The following RASA3 variants were observed in gnomAD, a reference collection of about 807,000 sequenced individuals.
The protein encoded by RASA3 is ras GTPase-activating protein 3.
A neutral mutation model predicts 110.0 loss-of-function variants in RASA3; 73 were observed. That is an observed-to-expected ratio of 0.66 (90% CI 0.55 to 0.81). The LOEUF (loss-of-function observed/expected upper bound fraction) is 0.81. RASA3 is among the 30% of genes least tolerant of loss of function. The probability of loss-of-function intolerance (pLI) is 0.00; values close to 1 mark genes in which losing one functional copy is unlikely to be tolerated. For missense variants in RASA3, 976 were observed against 1,113.2 expected (o/e 0.88, Z 1.75); for synonymous variants, 500 against 451.4 (o/e 1.11, Z -1.37).
Position 114,041,139 on chromosome 13 carries a change from G to C in RASA3, c.278-45C>G, listed in dbSNP as rs899939226. ...GACTTCACCACGGGCACAGGCCCCA[G>C]AGCCAGGACGCCTGTGAGCAGAAGC... On this transcript the variant is annotated intron_variant, in intron 3 of 23. Coordinates refer to ENST00000334062, the MANE Select transcript of RASA3 (RefSeq NM_007368.4). 6.5e-6 allele frequency: 10 copies of C among 1,535,822 alleles called. No individual in the cohort carries two copies. The Admixed American group carries it at 1.2e-4, about 18-fold the overall frequency.
At chr13:114,050,341 G>A (rs1566528149) in intron 3 of RASA3, among the ~76,000 whole-genome samples, 2 of 152,348 alleles carry the variant, frequency 1.3e-5, no homozygotes, top group East Asian at 1.9e-4. Context: ...CAGGGTGTCC[G>A]CTGCGGAAGC....
At chr13:114,079,047 CGCTCAGCAGCTCA>C (rs1319000960) in intron 1 of RASA3, among the ~76,000 whole-genome samples, 2 of 152,228 alleles carry the variant, frequency 1.3e-5, no homozygotes, top group Non-Finnish European at 2.9e-5. Flanking sequence ...GTCTCCCAGG[CGCTCAGCAGCTCA>C]GCTCAGCGCC....
chr13:114,060,156 G>C (rs1364512887), intron 2 of RASA3, among the ~76,000 whole-genome samples: 1 of 152,246 alleles, frequency 6.6e-6, no homozygotes, highest in African/African-American at 2.4e-5. Context: ...CTTGTGTGTG[G>C]TAAAGACGTA....
intron 2 of RASA3, among the ~76,000 whole-genome samples, chr13:114,058,906 C>T (rs1183835883): frequency 6.6e-6 from 1 of 152,224 alleles, no homozygotes; most frequent in Non-Finnish European, 1.5e-5. Flanking sequence ...CTTTTAAATA[C>T]CTGCATCCAG....
intron 1 of RASA3, among the ~76,000 whole-genome samples, chr13:114,109,126 G>C (rs2080181030): frequency 6.6e-6 from 1 of 152,216 alleles, no homozygotes; most frequent in Non-Finnish European, 1.5e-5. Flanking sequence ...GCAGGCGGCA[G>C]GGTCCTGGCC....
In RASA3 at chr13:114,058,642, G is replaced by A. The variant is rs959625827; in HGVS notation, c.174-6487C>T. Among the ~76,000 whole-genome samples the A allele has an allele frequency of 4.6e-5, 7 of 152,224 alleles. No homozygotes were observed. In the South Asian group the frequency reaches 1.0e-3, roughly 22 times the overall value. ...CAGACCAGCAACCATGCCCGTCCTCGCCTGCCCGACAATGCCCTTCCCAGG... is the reference window on the plus strand; with the variant it reads ...CAGACCAGCAACCATGCCCGTCCTCACCTGCCCGACAATGCCCTTCCCAGG... On this transcript the variant is annotated intron_variant, in intron 2 of 23. Coordinates refer to ENST00000334062, the MANE Select transcript of RASA3 (RefSeq NM_007368.4).
At chr13:113,996,395 T>G in intron 21 of RASA3, 136 bp downstream of exon 21, 1 of 910,962 alleles carries the variant, frequency 1.1e-6, no homozygotes, top group South Asian at 1.7e-5. Context: ...GGGAGGCTCC[T>G]GGGAGGAGGC....
chr13:113,980,175 GCAC>G (rs942400091), intron 23 of RASA3, among the ~76,000 whole-genome samples: 1 of 138,468 alleles, frequency 7.2e-6, no homozygotes, highest in Non-Finnish European at 1.5e-5. Flanking sequence ...CCACGTGTGT[GCAC>G]CTCCTCCCAC....
At chr13:114,040,195 G>A (rs960140632) in intron 4 of RASA3, among the ~76,000 whole-genome samples, 13 of 152,230 alleles carry the variant, frequency 8.5e-5, no homozygotes, top group African/African-American at 2.7e-4. Flanking sequence ...GGCTCACTCC[G>A]AGCACAAGTG....
At chr13:114,108,766 G>A (rs570142455) in intron 1 of RASA3, 2 of 152,080 alleles carry the variant, frequency 1.3e-5, no homozygotes, top group Non-Finnish European at 2.9e-5. Context: ...CTGATACCTC[G>A]AGGACACTCT....
chr13:114,087,751 CA>C (rs1312722545), intron 1 of RASA3, among the ~76,000 whole-genome samples: 2 of 152,254 alleles, frequency 1.3e-5, no homozygotes, highest in African/African-American at 4.8e-5. Flanking sequence ...TAACTTCAGA[CA>C]ACTTATCAGA....
At chr13:114,007,633 G>A (rs371829045) in intron 17 of RASA3, 27 bp from the exon 18 acceptor site, 29 of 1,578,554 alleles carry the variant, frequency 1.8e-5, no homozygotes, top group Admixed American at 1.0e-4. Flanking sequence ...TCAGGTCACC[G>A]GGAGGAAGCC....
chr13:114,013,499 CTCTCCCTCTATTTGTCTCTCTCT>C, intron 14 of RASA3, among the ~76,000 whole-genome samples: 2 of 146,854 alleles, frequency 1.4e-5, no homozygotes, highest in African/African-American at 5.3e-5. Flanking sequence ...GTCTCTCTCT[CTCTCCCTCTATTTGTCTCTCTCT>C]CATCTCTCTG....
intron 2 of RASA3, among the ~76,000 whole-genome samples, chr13:114,053,767 A>G (rs1017450382): frequency 2.6e-5 from 4 of 152,272 alleles, no homozygotes; most frequent in Non-Finnish European, 2.9e-5. Flanking sequence ...AGAAAAATAA[A>G]TGGAAAATCA....
rs1594290037 is a variant in RASA3, at chr13:113,996,432, T to C, written c.2141+99A>G. On this transcript the variant is annotated intron_variant, in intron 21 of 23. Coordinates refer to ENST00000334062, the MANE Select transcript of RASA3 (RefSeq NM_007368.4). ...AGGGCAGCCCTGTTTATGTGCAGCT[T>C]ACAGGCAGGCATGCACTGTCTGCTG... The C allele has an allele frequency of 5.8e-6, 7 of 1,216,998 alleles. No homozygotes were observed. In the East Asian group the frequency reaches 1.7e-4, roughly 30 times the overall value. 75.4% of individuals were successfully genotyped at this position (1,216,998 alleles called of 1,614,324 possible). A position where few individuals can be genotyped will look rare whatever the true frequency, so the allele number is the denominator to read the frequency against.
intron 1 of RASA3, among the ~76,000 whole-genome samples, chr13:114,088,095 C>A (rs1327521438): frequency 6.6e-6 from 1 of 151,262 alleles, no homozygotes; most frequent in Non-Finnish European, 1.5e-5. Context: ...CACACCACTG[C>A]ACTCCAGCCT....
chr13:114,043,817 T>C (rs1306111665), intron 3 of RASA3, among the ~76,000 whole-genome samples: 1 of 145,112 alleles, frequency 6.9e-6, no homozygotes, highest in Non-Finnish European at 1.5e-5. Flanking sequence ...CACCTCCGCC[T>C]GGCCCACCTC....
intron 1 of RASA3, chr13:114,078,094 C>T: frequency 1.2e-6 from 1 of 802,292 alleles, no homozygotes; most frequent in Non-Finnish European, 1.5e-6. Context: ...CTGCTCAGAC[C>T]AGGAGGGCTG....
intron 1 of RASA3, among the ~76,000 whole-genome samples, chr13:114,130,693 T>C (rs533477084): frequency 2.0e-5 from 3 of 152,312 alleles, no homozygotes; most frequent in Admixed American, 1.3e-4. Context: ...TGGCCTGAAG[T>C]GTAGCCCTTC....
Sources: gnomAD v4.1 joint callset for allele counts (sites outside exome capture counted in the v4.1 genomes callset) on GRCh38, gnomAD v4.1.1 for gene constraint, MANE v1.5 for transcripts, NCBI Gene and HGNC (gene_info 2026-07-23, HGNC 2026-07-21) for gene names.